Variants in ELMOD1 observed in about 807,000 individuals in gnomAD.
ELMOD1 encodes the protein ELMO domain-containing protein 1.
A neutral mutation model predicts 46.7 loss-of-function variants in ELMOD1; 21 were observed. The observed-to-expected ratio is 0.45, with a 90% CI of 0.32 to 0.65. The LOEUF (loss-of-function observed/expected upper bound fraction) is 0.65. Ranked by LOEUF, ELMOD1 falls within the 30% of genes least tolerant of loss-of-function variation. The pLI, the probability that ELMOD1 is intolerant of heterozygous loss-of-function variation, is 0.04. For synonymous variants in ELMOD1, 122 were observed against 138.2 expected (o/e 0.88, Z 0.82); for missense variants, 348 against 407.8 (o/e 0.85, Z 1.26).
At chr11:107,641,275 G>C (rs1412224707) in intron 6 of ELMOD1, among the ~76,000 whole-genome samples, 1 of 151,560 alleles carries the variant, frequency 6.6e-6, no homozygotes, top group African/African-American at 2.4e-5. Context: ...CTGGGTGACA[G>C]AGAAAGACTC....
chr11:107,623,166 C>T (rs1865981894), intron 2 of ELMOD1: 1 of 152,140 alleles, frequency 6.6e-6, no homozygotes, highest in Non-Finnish European at 1.5e-5. Context: ...TGATGTTCCC[C>T]TTCCTGTGTC....
chr11:107,604,626 T>C (rs1865657234), intron 1 of ELMOD1, among the ~76,000 whole-genome samples: 1 of 152,202 alleles, frequency 6.6e-6, no homozygotes, highest in South Asian at 2.1e-4. Context: ...CATAAAATAA[T>C]GGTGAATTCT....
Position 107,643,904 on chromosome 11 carries a change from A to G in ELMOD1, c.421-3564A>G, listed in dbSNP as rs578256929. ...TCATCTGAAGATTAACAACTTAATT[A>G]AGAACACTTTTTAGCCATTTGTCTA... On this transcript the variant is annotated intron_variant, in intron 6 of 11. Coordinates refer to ENST00000265840, the MANE Select transcript of ELMOD1 (RefSeq NM_018712.4). The G allele has an allele frequency of 9.9e-5, 18 of 182,028 alleles. No individual in the cohort carries two copies. In the South Asian group the frequency reaches 2.1e-3, roughly 21 times the overall value. The allele number at this position is 182,028 out of a possible 1,614,324, so 11.3% of individuals were successfully genotyped here.
At chr11:107,629,614 G>T (rs1415630451) in intron 2 of ELMOD1, among the ~76,000 whole-genome samples, 1 of 152,216 alleles carries the variant, frequency 6.6e-6, no homozygotes, top group Non-Finnish European at 1.5e-5. Flanking sequence ...CACATGACTG[G>T]TGACAATATA....
Position 107,656,014 on chromosome 11 carries a change from C to T in ELMOD1, c.780C>T (p.Phe260=), listed in dbSNP as rs190625125. The T allele has an allele frequency of 8.3e-6, 13 of 1,569,530 alleles. No individual in the cohort carries two copies. Among genetic ancestry groups the T allele is most frequent in the Non-Finnish European group, 1.1e-5 (13 of 1,155,172 alleles). The part of the protein sequence containing the change: ...LLVSGALKTH[F]YNIAPEAPTL... ...TCAGCGGAGCTCTAAAAACCCATTT[C>T]TACAATATCGCCCCAGAAGCTCCAA... Residue 260 remains phenylalanine, a synonymous_variant, in exon 11 of 12, where the codon TTC becomes TTT. Coordinates refer to ENST00000265840, the MANE Select transcript of ELMOD1 (RefSeq NM_018712.4).
intron 1 of ELMOD1, among the ~76,000 whole-genome samples, chr11:107,616,962 T>C (rs917263243): frequency 1.3e-5 from 2 of 152,192 alleles, no homozygotes; most frequent in African/African-American, 2.4e-5. Context: ...TTTGGATTCA[T>C]TTAGAAAAAA....
intron 6 of ELMOD1, chr11:107,643,696 A>AT (rs1404378066): frequency 5.8e-6 from 3 of 513,454 alleles, no homozygotes; most frequent in African/African-American, 2.0e-5. Flanking sequence ...ATATACCTGC[A>AT]TCTTGGCCTT....
In ELMOD1 at chr11:107,665,134, G is replaced by A; in HGVS notation, c.942G>A (p.Leu314=). Residue 314 remains leucine, a synonymous_variant, in exon 12 of 12, where the codon CTG becomes CTA. Coordinates refer to ENST00000265840, the MANE Select transcript of ELMOD1 (RefSeq NM_018712.4). ...EKFRKRIIKQ[L]QNPDMALCPH... ...TCCGCAAGAGGATCATCAAACAGCT[G>A]CAGAACCCAGACATGGCGCTGTGCC... The A allele has an allele frequency of 6.2e-7, 1 of 1,613,994 alleles. No individual in the cohort carries two copies. Among genetic ancestry groups the A allele is most frequent in the African/African-American group, 1.3e-5 (1 of 75,050 alleles).
At chr11:107,602,018 G>A (rs1051459953) in intron 1 of ELMOD1, among the ~76,000 whole-genome samples, 3 of 152,064 alleles carry the variant, frequency 2.0e-5, no homozygotes, top group Non-Finnish European at 2.9e-5. Context: ...CATTTTGGTG[G>A]AAAGCTTTCT....
rs1276126758 is a variant in ELMOD1, at chr11:107,658,726, G to C, written c.832+2660G>C. Among the ~76,000 whole-genome samples, 9 of 152,358 alleles carry C rather than the reference G, an allele frequency of 5.9e-5. No homozygotes were observed. The East Asian group carries it at 1.7e-3, about 29-fold the overall frequency. On this transcript the variant is annotated intron_variant, in intron 11 of 11. Transcript: ENST00000265840. The stretch of plus-strand genomic sequence containing the variant: ...AAGAAGGGCAGATCACTTGAGGTCA[G>C]GAGTTCAAGACCAGCCTGATCAAAA...
At chr11:107,620,110 C>G (rs1256035326) in intron 2 of ELMOD1, 10 of 152,258 alleles carry the variant, frequency 6.6e-5, no homozygotes, top group Admixed American at 5.2e-4. Context: ...TAAGCAAAGC[C>G]TGAATGAATC....
chr11:107,611,011 A>AAAG (rs1865770965), intron 1 of ELMOD1, among the ~76,000 whole-genome samples: 1 of 150,962 alleles, frequency 6.6e-6, no homozygotes, highest in Admixed American at 6.7e-5. Context: ...AAAAAAAAAA[A>AAAG]AAAAAAGAAA....
intron 7 of ELMOD1, among the ~76,000 whole-genome samples, chr11:107,648,278 T>C (rs1866467810): frequency 6.6e-6 from 1 of 152,212 alleles, no homozygotes; most frequent in Non-Finnish European, 1.5e-5. Flanking sequence ...TTTTGCCCCC[T>C]CCTCCATGTC....
At position 107,665,214 on chromosome 11, in the gene ELMOD1, TA is replaced by T; in HGVS notation, c.*19del. The T allele has an allele frequency of 6.2e-7, 1 of 1,612,564 alleles. No individual in the cohort carries two copies. ...AACATGTAGTTGCCCACGCCGGTTTTAATGGATACCCTGGAACACTGCCTCA... is the reference window on the plus strand; with the variant it reads ...AACATGTAGTTGCCCACGCCGGTTTTATGGATACCCTGGAACACTGCCTCA... On this transcript the variant is annotated 3_prime_UTR_variant, in exon 12 of 12. Transcript: ENST00000265840.
In ELMOD1 at chr11:107,650,917, T is replaced by C. The variant is rs1214577850; in HGVS notation, c.647+9T>C. The C allele has an allele frequency of 1.8e-6, 2 of 1,126,198 alleles. No individual in the cohort carries two copies. Among genetic ancestry groups the C allele is most frequent in the Non-Finnish European group, 2.4e-6 (2 of 829,918 alleles). 69.8% of individuals were successfully genotyped at this position (1,126,198 alleles called of 1,614,324 possible). On this transcript the variant is annotated intron_variant, in intron 9 of 11. Transcript: ENST00000265840. ...ACTAAAGAAGAAATAAGGTATTTTT[T>C]CTTTGTTTTTGTGTTTTATTGCTTT...
At position 107,611,495 on chromosome 11, in the gene ELMOD1, T is replaced by C. The variant is rs577193169; in HGVS notation, c.-85-6610T>C. On this transcript the variant is annotated intron_variant, in intron 1 of 11. Transcript: ENST00000265840. ...GTGGGCGGATCACAAGGTCAGGAGA[T>C]CGAGACCATCCTGGCTAACACGGTG... Among the ~76,000 whole-genome samples, 11 of 151,996 alleles carry C rather than the reference T, an allele frequency of 7.2e-5. No individual in the cohort carries two copies. In the South Asian group the frequency reaches 2.3e-3, roughly 32 times the overall value.
At chr11:107,652,684 T>G (rs1866546058) in intron 9 of ELMOD1, among the ~76,000 whole-genome samples, 1 of 152,210 alleles carries the variant, frequency 6.6e-6, no homozygotes, top group Non-Finnish European at 1.5e-5. Flanking sequence ...TCTCCTGATC[T>G]CCTGATTCCT....
intron 1 of ELMOD1, among the ~76,000 whole-genome samples, chr11:107,607,007 T>G (rs1330167130): frequency 5.3e-5 from 8 of 152,244 alleles, no homozygotes; most frequent in Admixed American, 5.2e-4. Flanking sequence ...CTAATCATAG[T>G]GTGATACAAT....
intron 6 of ELMOD1, chr11:107,643,228 A>G (rs1242834441): frequency 1.1e-5 from 2 of 181,640 alleles, no homozygotes; most frequent in Admixed American, 6.2e-5. Context: ...TTAGCTGGGC[A>G]TTGTGGCTGG....
Sources: gnomAD v4.1 joint callset for allele counts (sites outside exome capture counted in the v4.1 genomes callset) on GRCh38, gnomAD v4.1.1 for gene constraint, MANE v1.5 for transcripts, NCBI Gene and HGNC (gene_info 2026-07-23, HGNC 2026-07-21) for gene names.